The following DENND1B variants were observed in gnomAD, a reference collection of about 807,000 sequenced individuals.
DENND1B encodes the protein DENN domain-containing protein 1B.
Under a neutral mutation model 90.1 loss-of-function variants are expected in DENND1B, and 59 were observed. The observed-to-expected ratio is 0.65, with a 90% CI of 0.53 to 0.81. The LOEUF (loss-of-function observed/expected upper bound fraction) is 0.81, where lower values mean the gene tolerates loss of function less well. Among genes scored for constraint, DENND1B ranks in the 40% least tolerant of loss-of-function variants. The pLI, the probability that DENND1B is intolerant of heterozygous loss-of-function variation, is 0.00. For synonymous variants in DENND1B, 337 were observed against 324.6 expected, an observed-to-expected ratio of 1.04 and a Z score of -0.41; for missense variants, 862 against 912.6, an observed-to-expected ratio of 0.94 and a Z score of 0.71.
chr1:197,704,779 T>C (rs1659364473), intron 3 of DENND1B, among the ~76,000 whole-genome samples: 1 of 152,080 alleles, frequency 6.6e-6, no homozygotes, highest in African/African-American at 2.4e-5. Flanking sequence ...AGAAAAATTA[T>C]TACAATAATC....
At chr1:197,747,717 A>G (rs1652887276) in intron 2 of DENND1B, among the ~76,000 whole-genome samples, 1 of 152,236 alleles carries the variant, frequency 6.6e-6, no homozygotes, top group Non-Finnish European at 1.5e-5. Flanking sequence ...AACAGCAAAA[A>G]GCAGGCATGC....
chr1:197,745,062 A>C (rs1663578757), intron 2 of DENND1B, among the ~76,000 whole-genome samples: 1 of 152,226 alleles, frequency 6.6e-6, no homozygotes, highest in South Asian at 2.1e-4. Flanking sequence ...GCTCTGGATT[A>C]GGCTGTGACT....
intron 16 of DENND1B, 34 bp from the exon 17 acceptor site, chr1:197,546,807 T>C (rs1670847857): frequency 2.0e-6 from 3 of 1,523,032 alleles, no homozygotes; most frequent in Middle Eastern, 1.7e-4. Context: ...CCAGGAATGG[T>C]TGATCAAAAA....
chr1:197,616,121 T>C (rs1677624311), intron 11 of DENND1B, among the ~76,000 whole-genome samples: 1 of 150,980 alleles, frequency 6.6e-6, no homozygotes, highest in Non-Finnish European at 1.5e-5. Context: ...AACATTTTAA[T>C]AGAAAAATTA....
At chr1:197,610,920 T>C (rs550507064) in intron 12 of DENND1B, among the ~76,000 whole-genome samples, 22 of 150,928 alleles carry the variant, frequency 1.5e-4, no homozygotes, top group Non-Finnish European at 2.4e-4. Context: ...CCCTAGCATT[T>C]TGTGATAAGA....
chr1:197,658,836 TAACTC>T (rs1368336011), intron 5 of DENND1B, among the ~76,000 whole-genome samples: 1 of 151,026 alleles, frequency 6.6e-6, no homozygotes, highest in African/African-American at 2.4e-5. Flanking sequence ...AATTTCAAAA[TAACTC>T]AATACACATA....
At chr1:197,540,235 T>C (rs1670236708) in intron 19 of DENND1B, among the ~76,000 whole-genome samples, 164 bp from the exon 20 acceptor site, 1 of 151,928 alleles carries the variant, frequency 6.6e-6, no homozygotes, top group African/African-American at 2.4e-5. Flanking sequence ...TTTTCTATAA[T>C]CAAAATTAAT....
chr1:197,623,204 A>G (rs1396874759), intron 10 of DENND1B, among the ~76,000 whole-genome samples: 1 of 151,422 alleles, frequency 6.6e-6, no homozygotes, highest in Non-Finnish European at 1.5e-5. Flanking sequence ...AATCCAAGAA[A>G]CATGTATTAG....
At chr1:197,774,931 G>A (rs1657086297) in intron 1 of DENND1B, among the ~76,000 whole-genome samples, 1 of 152,102 alleles carries the variant, frequency 6.6e-6, no homozygotes, top group Non-Finnish European at 1.5e-5. Flanking sequence ...ACGGAGGGCC[G>A]GGGACGCAGG....
At chr1:197,733,856 G>T (rs1241236904) in intron 2 of DENND1B, among the ~76,000 whole-genome samples, 1 of 152,044 alleles carries the variant, frequency 6.6e-6, no homozygotes, top group Non-Finnish European at 1.5e-5. Flanking sequence ...TAACAATCCT[G>T]GTCACCAATT....
intron 10 of DENND1B, among the ~76,000 whole-genome samples, chr1:197,621,202 T>C (rs1227177752): frequency 1.3e-5 from 2 of 151,356 alleles, no homozygotes; most frequent in African/African-American, 4.8e-5. Flanking sequence ...CTCTAAATAT[T>C]ATTCTCGATG....
intron 10 of DENND1B, among the ~76,000 whole-genome samples, chr1:197,630,292 A>G (rs1437402242): frequency 1.3e-5 from 2 of 152,188 alleles, no homozygotes; most frequent in South Asian, 4.1e-4. Context: ...GGAGGCTGGG[A>G]AATCCAACAT....
chr1:197,546,855 T>C, intron 16 of DENND1B, 82 bp from the exon 17 acceptor site: 1 of 1,290,612 alleles, frequency 7.7e-7, no homozygotes, highest in Non-Finnish European at 1.1e-6. Context: ...AACTAGTATT[T>C]GCACAATTTT....
intron 16 of DENND1B, among the ~76,000 whole-genome samples, chr1:197,547,579 A>G (rs1338915292): frequency 2.0e-5 from 3 of 152,218 alleles, no homozygotes; most frequent in African/African-American, 7.2e-5. Flanking sequence ...TACTCAGAAC[A>G]CAGCATTGCA....
At chr1:197,622,744 T>C (rs1414176459) in intron 10 of DENND1B, among the ~76,000 whole-genome samples, 2 of 151,492 alleles carry the variant, frequency 1.3e-5, no homozygotes, top group Non-Finnish European at 3.0e-5. Context: ...CTTATGTCTA[T>C]GAGTACACCT....
At chr1:197,651,788 T>A (rs1653223075) in intron 7 of DENND1B, among the ~76,000 whole-genome samples, 1 of 150,788 alleles carries the variant, frequency 6.6e-6, no homozygotes, top group South Asian at 2.1e-4. Context: ...CCTGAGTAGC[T>A]GGGACTACAG....
chr1:197,524,980 A>G (rs1436503216), intron 20 of DENND1B, among the ~76,000 whole-genome samples: 1 of 152,174 alleles, frequency 6.6e-6, no homozygotes, highest in Admixed American at 6.5e-5. Flanking sequence ...GAAACACAGT[A>G]GTTTATAATT....
intron 20 of DENND1B, among the ~76,000 whole-genome samples, chr1:197,528,359 G>C (rs1173934567): frequency 3.3e-5 from 5 of 151,962 alleles, no homozygotes; most frequent in African/African-American, 9.7e-5. Context: ...TATGACTTCT[G>C]AGCATATTTT....
At chr1:197,723,845 T>C (rs1033846902) in intron 2 of DENND1B, among the ~76,000 whole-genome samples, 1 of 152,028 alleles carries the variant, frequency 6.6e-6, no homozygotes, top group Non-Finnish European at 1.5e-5. Context: ...AGCAAGTATA[T>C]GGTTAAATAA....
Sources: allele counts gnomAD v4.1 joint callset (sites outside exome capture counted in the v4.1 genomes callset), GRCh38; gene constraint gnomAD v4.1.1; transcripts MANE v1.5; gene names NCBI Gene and HGNC (gene_info 2026-07-23, HGNC 2026-07-21).